GREB1L: variants seen among roughly 807,000 people sequenced by gnomAD.
GREB1L encodes the protein GREB1 like retinoic acid receptor coactivator.
In GREB1L, 17 loss-of-function variants were observed where a neutral mutation model predicts 200.8. The observed-to-expected ratio is 0.08, with a 90% CI of 0.06 to 0.13. The LOEUF is 0.13. Ranked by LOEUF, GREB1L falls within the 10% of genes least tolerant of loss-of-function variation. GREB1L has a pLI of 1.00. For missense variants in GREB1L, 1,657 were observed against 2,367.7 expected (o/e 0.70, Z 6.23); for synonymous variants, 789 against 893.0 (o/e 0.88, Z 2.08).
intron 15 of GREB1L, among the ~76,000 whole-genome samples, chr18:21,464,004 G>A (rs78063913): frequency 0.013 from 2,032 of 152,288 alleles, 41 homozygotes; most frequent in African/African-American, 0.046. Flanking sequence ...CACAAGGAAT[G>A]ATAGCAATGG....
intron 17 of GREB1L, among the ~76,000 whole-genome samples, chr18:21,483,781 A>C (rs2036012001): frequency 6.6e-6 from 1 of 151,988 alleles, no homozygotes; most frequent in South Asian, 2.1e-4. Flanking sequence ...ATTCGACACC[A>C]GCCTGCTAAC....
chr18:21,287,944 C>T (rs1438452767), intron 1 of GREB1L, among the ~76,000 whole-genome samples: 1 of 151,490 alleles, frequency 6.6e-6, no homozygotes, highest in Non-Finnish European at 1.5e-5. Context: ...ACAGGCATAC[C>T]CTGTAATCTA....
At chr18:21,439,375 G>C (rs1461207174) in intron 7 of GREB1L, 146 bp from the exon 8 acceptor site, 2 of 514,986 alleles carry the variant, frequency 3.9e-6, no homozygotes, top group Non-Finnish European at 7.0e-6. Context: ...GACAGTTGCA[G>C]TTGGTTTTGT....
At chr18:21,427,160 A>C (rs1330717520) in intron 7 of GREB1L, among the ~76,000 whole-genome samples, 1 of 152,082 alleles carries the variant, frequency 6.6e-6, no homozygotes, top group African/African-American at 2.4e-5. Context: ...TTTCTGATCT[A>C]TGAAGATGGG....
intron 19 of GREB1L, among the ~76,000 whole-genome samples, chr18:21,495,157 C>G (rs1193518803): frequency 6.6e-6 from 1 of 151,960 alleles, no homozygotes; most frequent in African/African-American, 2.4e-5. Flanking sequence ...GTCAGTAAAG[C>G]AAGAAGGAGG....
At chr18:21,428,635 C>CTT (rs35509415) in intron 7 of GREB1L, among the ~76,000 whole-genome samples, 85 of 137,528 alleles carry the variant, frequency 6.2e-4, no homozygotes, top group South Asian at 3.8e-3. Flanking sequence ...CATATAGTCC[C>CTT]TTTTTTTTTT....
At chr18:21,369,764 T>C (rs1167089863) in intron 2 of GREB1L, among the ~76,000 whole-genome samples, 2 of 151,992 alleles carry the variant, frequency 1.3e-5, no homozygotes, top group African/African-American at 2.4e-5. Flanking sequence ...CTGGCCAACA[T>C]GGTGAAACCC....
At chr18:21,256,593 A>G (rs1465341901) in intron 1 of GREB1L, among the ~76,000 whole-genome samples, 4 of 152,194 alleles carry the variant, frequency 2.6e-5, no homozygotes, top group East Asian at 1.9e-4. Context: ...TAAAATCTCT[A>G]TTGAACAAAT....
intron 1 of GREB1L, among the ~76,000 whole-genome samples, chr18:21,255,342 G>T (rs2037784699): frequency 6.6e-6 from 1 of 152,012 alleles, no homozygotes; most frequent in African/African-American, 2.4e-5. Flanking sequence ...AATTCCTTAG[G>T]CACACAAGTC....
intron 1 of GREB1L, among the ~76,000 whole-genome samples, chr18:21,257,399 T>C (rs1347458512): frequency 6.6e-6 from 1 of 152,224 alleles, no homozygotes; most frequent in Non-Finnish European, 1.5e-5. Flanking sequence ...AATAAAATAC[T>C]AACTGTGGTA....
At position 21,330,670 on chromosome 18, in the gene GREB1L, G is replaced by C. The variant is rs77717308; in HGVS notation, c.-119-35357G>C. ...ATGGCCTTTGGTTTTCTTCCACTGA[G>C]GGGGGTAAGAACACACAGACATACC... On this transcript the variant is annotated intron_variant, in intron 1 of 32. Transcript: ENST00000424526. Among the ~76,000 whole-genome samples, 11 of 152,184 alleles carry C rather than the reference G, an allele frequency of 7.2e-5. No individual in the cohort carries two copies. In the East Asian group the frequency reaches 1.4e-3, roughly 19 times the overall value.
intron 1 of GREB1L, among the ~76,000 whole-genome samples, chr18:21,321,060 G>A (rs1178765434): frequency 6.6e-6 from 1 of 152,156 alleles, no homozygotes; most frequent in African/African-American, 2.4e-5. Context: ...TTGGGAGGCT[G>A]AGGCGGATGG....
intron 7 of GREB1L, among the ~76,000 whole-genome samples, chr18:21,431,769 C>T (rs1160370522): frequency 6.6e-6 from 1 of 151,984 alleles, no homozygotes; most frequent in African/African-American, 2.4e-5. Context: ...TTATGTTCAT[C>T]TTTGCTTCAT....
At chr18:21,374,177 T>C (rs1329142497) in intron 2 of GREB1L, among the ~76,000 whole-genome samples, 1 of 152,098 alleles carries the variant, frequency 6.6e-6, no homozygotes, top group Non-Finnish European at 1.5e-5. Context: ...TTAATTTTTG[T>C]ATTTTTTGTA....
intron 21 of GREB1L, among the ~76,000 whole-genome samples, chr18:21,498,321 T>A (rs1035641319): frequency 3.3e-5 from 5 of 152,132 alleles, no homozygotes; most frequent in Admixed American, 3.3e-4. Context: ...CTGGAGTTGC[T>A]GGAGCTGCCC....
At chr18:21,281,982 T>G (rs1026895615) in intron 1 of GREB1L, among the ~76,000 whole-genome samples, 3 of 152,136 alleles carry the variant, frequency 2.0e-5, no homozygotes, top group East Asian at 1.9e-4. Flanking sequence ...ACTTAAAAAT[T>G]TATTGTGTGG....
intron 2 of GREB1L, among the ~76,000 whole-genome samples, chr18:21,371,783 C>CAA (rs373133981): frequency 7.7e-5 from 6 of 77,726 alleles, no homozygotes; most frequent in Non-Finnish European, 1.1e-4. Context: ...GACTTCATCT[C>CAA]AAAAAAAAAA....
intron 31 of GREB1L, among the ~76,000 whole-genome samples, chr18:21,520,452 C>T (rs2037571187): frequency 6.6e-6 from 1 of 152,154 alleles, no homozygotes; most frequent in Non-Finnish European, 1.5e-5. Context: ...TCCTAATAGT[C>T]CTTTATTATG....
intron 2 of GREB1L, among the ~76,000 whole-genome samples, chr18:21,372,774 A>G (rs1484157636): frequency 6.6e-6 from 1 of 152,150 alleles, no homozygotes; most frequent in Non-Finnish European, 1.5e-5. Context: ...ATACAAAATT[A>G]GCTGGGCATG....
Sources: gnomAD v4.1 joint callset for allele counts (sites outside exome capture counted in the v4.1 genomes callset) on GRCh38, gnomAD v4.1.1 for gene constraint, MANE v1.5 for transcripts, NCBI Gene and HGNC (gene_info 2026-07-23, HGNC 2026-07-21) for gene names.